The following CD37 variants were observed in gnomAD, a reference collection of about 807,000 sequenced individuals.
CD37 encodes the protein CD37 molecule, also known as leukocyte antigen CD37.
A neutral mutation model predicts 38.9 loss-of-function variants in CD37; 37 were observed. The observed-to-expected ratio is 0.95, with a 90% CI of 0.73 to 1.25. The LOEUF is 1.25. Among genes scored for constraint, CD37 ranks in the 50% most tolerant of loss-of-function variants. The probability of loss-of-function intolerance (pLI) is 0.00; values close to 1 mark genes in which losing one functional copy is unlikely to be tolerated. For synonymous variants in CD37, 146 were observed against 150.1 expected, an observed-to-expected ratio of 0.97 and a Z score of 0.20; for missense variants, 351 against 360.1, an observed-to-expected ratio of 0.97 and a Z score of 0.20.
chr19:49,339,739 G>C lies in CD37; in HGVS notation c.768+326G>C. 7.2e-7 allele frequency: 1 copy of C among 1,388,114 alleles called. No individual in the cohort carries two copies. Among genetic ancestry groups the C allele is most frequent in the Non-Finnish European group, 9.3e-7 (1 of 1,075,362 alleles). The allele number at this position is 1,388,114 out of a possible 1,614,324, so 86.0% of individuals were successfully genotyped here. A position where few individuals can be genotyped will look rare whatever the true frequency, so the allele number is the denominator to read the frequency against. On this transcript the variant is annotated intron_variant, in intron 7 of 7. Transcript: ENST00000323906. This position sits in a 1 kb window ranked among gnomAD's most constrained non-coding sequence, Gnocchi z 4.5. Reference sequence around the variant, plus strand: ...CGAGCCGCACGTGCCGGGCGCTGGGGATTCGAGCCCCGGGCCCAGCCTGAT... The same window carrying C: ...CGAGCCGCACGTGCCGGGCGCTGGGCATTCGAGCCCCGGGCCCAGCCTGAT...
Position 49,339,260 on chromosome 19 carries a change from G to GA in CD37, c.685-66dup. 1.4e-6 allele frequency: 2 copies of GA among 1,437,920 alleles called. No homozygotes were observed. Among genetic ancestry groups the GA allele is most frequent in the Non-Finnish European group, 1.9e-6 (2 of 1,028,650 alleles). 89.1% of individuals were successfully genotyped at this position (1,437,920 alleles called of 1,614,324 possible). On this transcript the variant is annotated intron_variant, in intron 6 of 7. Coordinates refer to ENST00000323906, the MANE Select transcript of CD37 (RefSeq NM_001774.3). The surrounding 1 kb of genome is among the most constrained non-coding windows in gnomAD (Gnocchi z 4.5). ...GCCTGAAGACGGTGAGGGTTGGCCT[G>GA]AAAAGAACGCTGGGCCTGGGCTTGA...
rs757794008 is a variant in CD37, at chr19:49,335,635, C to G, written c.69+26C>G. 4 of 1,610,696 alleles carry G rather than the reference C, an allele frequency of 2.5e-6. No homozygotes were observed. Among genetic ancestry groups the G allele is most frequent in the Non-Finnish European group, 1.7e-6 (2 of 1,176,932 alleles). ...GTGAGTTGCCTCATGGCTACCCAGCCGGGGCCCAGCCCCTGCCGCTAACCC... is the reference window on the plus strand; with the variant it reads ...GTGAGTTGCCTCATGGCTACCCAGCGGGGGCCCAGCCCCTGCCGCTAACCC... On this transcript the variant is annotated intron_variant, in intron 1 of 7. Transcript: ENST00000323906. The surrounding 1 kb of genome is among the most constrained non-coding windows in gnomAD (Gnocchi z 4.6).
Position 49,339,753 on chromosome 19 carries a change from GC to G in CD37, c.768+343del. ...CGGGCGCTGGGGATTCGAGCCCCGG[GC>G]CCAGCCTGATCGCTGACGGCGGCGG... On this transcript the variant is annotated intron_variant, in intron 7 of 7. Coordinates refer to ENST00000323906, the MANE Select transcript of CD37 (RefSeq NM_001774.3). This position sits in a 1 kb window ranked among gnomAD's most constrained non-coding sequence, Gnocchi z 4.5. 7.2e-7 allele frequency: 1 copy of G among 1,391,480 alleles called. No individual in the cohort carries two copies. The highest frequency in any genetic ancestry group is 1.5e-5 in the African/African-American group (1 of 68,748). The allele number at this position is 1,391,480 out of a possible 1,614,324, so 86.2% of individuals were successfully genotyped here. A position where few individuals can be genotyped will look rare whatever the true frequency, so the allele number is the denominator to read the frequency against.
chr19:49,338,846 G>C lies in CD37; in HGVS notation c.594G>C (p.Leu198Phe). ...NDSTILDKVILPQLSRLGHLA... is the reference protein window; with the variant it reads ...NDSTILDKVIFPQLSRLGHLA... ...CCACAATCCTAGATAAGGTGATCTTGCCCCAGCTCAGCAGGCTTGGACACC... is the reference window on the plus strand; with the variant it reads ...CCACAATCCTAGATAAGGTGATCTTCCCCCAGCTCAGCAGGCTTGGACACC... The change falls in exon 6 of 8, where the codon TTG becomes TTC. Residue 198 changes from leucine to phenylalanine, a missense_variant. Transcript: ENST00000323906. This position sits in a 1 kb window ranked among gnomAD's most constrained non-coding sequence, Gnocchi z 5.0. 1.2e-6 allele frequency: 2 copies of C among 1,614,138 alleles called. No homozygotes were observed. Among genetic ancestry groups the C allele is most frequent in the Non-Finnish European group, 1.7e-6 (2 of 1,180,022 alleles).
rs1971103608 is a variant in CD37, at chr19:49,339,375, T to C, written c.730T>C (p.Ser244Pro). The C allele has an allele frequency of 1.2e-6, 2 of 1,613,896 alleles. No homozygotes were observed. The highest frequency in any genetic ancestry group is 1.7e-6 in the Non-Finnish European group (2 of 1,179,966). The change falls in exon 7 of 8, where the codon TCC (serine) becomes CCC (proline). Residue 244 changes from serine (S) to proline (P), a missense_variant. Physicochemically the swap from Ser to Pro is moderately conservative, Grantham distance 74. Coordinates refer to ENST00000323906, the MANE Select transcript of CD37 (RefSeq NM_001774.3). This position sits in a 1 kb window ranked among gnomAD's most constrained non-coding sequence, Gnocchi z 4.5. ...LQKWLHNNLI[S>P]IVGICLGVGL... ...GAAGTGGCTGCACAACAACCTTATT[T>C]CCATAGTGGGCATTTGCCTGGGCGT...
Position 49,339,839 on chromosome 19 carries a change from G to C in CD37, c.769-412G>C. ...ATGGCGGGTGCCTGCCCCAACTGGGGAGACAAGGCACCGCAGGGCAAGCTG... is the reference window on the plus strand; with the variant it reads ...ATGGCGGGTGCCTGCCCCAACTGGGCAGACAAGGCACCGCAGGGCAAGCTG... On this transcript the variant is annotated intron_variant, in intron 7 of 7. Coordinates refer to ENST00000323906, the MANE Select transcript of CD37 (RefSeq NM_001774.3). The surrounding 1 kb of genome is among the most constrained non-coding windows in gnomAD (Gnocchi z 4.5). 1 of 1,337,746 alleles carries C rather than the reference G, an allele frequency of 7.5e-7. No individual in the cohort carries two copies. The highest frequency in any genetic ancestry group is 2.9e-4 in the Middle Eastern group (1 of 3,468). 82.9% of individuals were successfully genotyped at this position (1,337,746 alleles called of 1,614,324 possible).
In CD37 at chr19:49,335,736, G is replaced by T; in HGVS notation, c.92G>T (p.Cys31Phe). 6.2e-7 allele frequency: 1 copy of T among 1,613,914 alleles called. No individual in the cohort carries two copies. The highest frequency in any genetic ancestry group is 8.5e-7 in the Non-Finnish European group (1 of 1,180,020). The change falls in exon 2 of 8, where the codon TGC (cysteine) becomes TTC (phenylalanine). Residue 31 changes from cysteine (C) to phenylalanine (F), a missense_variant. Physicochemically the swap from Cys to Phe is radical, Grantham distance 205 (BLOSUM62 -2). Coordinates refer to ENST00000323906, the MANE Select transcript of CD37 (RefSeq NM_001774.3). The surrounding 1 kb of genome is among the most constrained non-coding windows in gnomAD (Gnocchi z 4.6). ...FFFVLGSLIFCFGIWILIDKT... is the reference protein window; with the variant it reads ...FFFVLGSLIFFFGIWILIDKT... Reference sequence around the variant, plus strand: ...CAGGTCCTCGGCAGCCTGATCTTCTGCTTCGGCATCTGGATCCTCATTGAC... The same window carrying T: ...CAGGTCCTCGGCAGCCTGATCTTCTTCTTCGGCATCTGGATCCTCATTGAC...
In CD37 at chr19:49,338,788, G is replaced by A; in HGVS notation, c.536G>A (p.Cys179Tyr). Reference sequence around the variant, plus strand: ...GGGTCGGAGGCGCACCGCGTGCCCTGCTCCTGCTACAACTTGTCGGCGACC... The same window carrying A: ...GGGTCGGAGGCGCACCGCGTGCCCTACTCCTGCTACAACTTGTCGGCGACC... ...GNGSEAHRVP[C>Y]SCYNLSATND... Residue 179 changes from cysteine to tyrosine, a missense_variant, in exon 6 of 8, where the codon TGC becomes TAC. Cys to Tyr is a radical substitution (Grantham distance 194). Transcript: ENST00000323906. The surrounding 1 kb of genome is among the most constrained non-coding windows in gnomAD (Gnocchi z 5.0). The A allele has an allele frequency of 6.2e-7, 1 of 1,613,980 alleles. No individual in the cohort carries two copies. Among genetic ancestry groups the A allele is most frequent in the Non-Finnish European group, 8.5e-7 (1 of 1,180,016 alleles).
rs1971039222 is a variant in CD37, at chr19:49,338,319, G to A, written c.447+290G>A. 1 of 736,494 alleles carries A rather than the reference G, an allele frequency of 1.4e-6. No homozygotes were observed. The highest frequency in any genetic ancestry group is 2.1e-6 in the Non-Finnish European group (1 of 482,382). The allele number at this position is 736,494 out of a possible 1,614,324, so 45.6% of individuals were successfully genotyped here. A position where few individuals can be genotyped will look rare whatever the true frequency, so the allele number is the denominator to read the frequency against. ...GCCCCTAGTCCCAAGACCCTAGCGA[G>A]ACACGGCTTCCTACCCCGTAGTGAC... On this transcript the variant is annotated intron_variant, in intron 5 of 7. Transcript: ENST00000323906. The surrounding 1 kb of genome is among the most constrained non-coding windows in gnomAD (Gnocchi z 5.0).
Position 49,340,328 on chromosome 19 carries a change from G to T in CD37, c.846G>T (p.Ter282TyrextTer92). ...HVYNRLARYR* is the reference protein window; with the variant it reads ...HVYNRLARYRY ...ACAACCGGCTCGCTCGATACCGTTA[G>T]GCCCCGCCCTCCCCAAAGTCCCGCC... Residue 282 changes from the stop codon to tyrosine (Y), a stop_lost, in exon 8 of 8, where the codon TAG (stop) becomes TAT (tyrosine). Transcript: ENST00000323906. 1 of 1,609,960 alleles carries T rather than the reference G, an allele frequency of 6.2e-7. No individual in the cohort carries two copies. Among genetic ancestry groups the T allele is most frequent in the Non-Finnish European group, 8.5e-7 (1 of 1,176,620 alleles).
Position 49,338,624 on chromosome 19 carries a change from C to T in CD37, c.448-76C>T. 1.9e-6 allele frequency: 2 copies of T among 1,080,240 alleles called. No homozygotes were observed. Among genetic ancestry groups the T allele is most frequent in the South Asian group, 2.6e-5 (2 of 76,676 alleles). The allele number at this position is 1,080,240 out of a possible 1,614,324, so 66.9% of individuals were successfully genotyped here. ...CCCTGCTCCCCGACCTGACCTCATACCCATCACCTTGTCCCCTGATCCCCA... is the reference window on the plus strand; with the variant it reads ...CCCTGCTCCCCGACCTGACCTCATATCCATCACCTTGTCCCCTGATCCCCA... On this transcript the variant is annotated intron_variant, in intron 5 of 7. Transcript: ENST00000323906. This position sits in a 1 kb window ranked among gnomAD's most constrained non-coding sequence, Gnocchi z 5.0.
chr19:49,339,620 C>G lies in CD37; in HGVS notation c.768+207C>G. On this transcript the variant is annotated intron_variant, in intron 7 of 7. Transcript: ENST00000323906. The surrounding 1 kb of genome is among the most constrained non-coding windows in gnomAD (Gnocchi z 4.5). ...ATTGGGTGTACGCAGGGAAAGCCTC[C>G]TGCTATTGGCTGCGATCTCCCTCCC... 7.0e-7 allele frequency: 1 copy of G among 1,433,492 alleles called. No homozygotes were observed. The highest frequency in any genetic ancestry group is 2.6e-4 in the Middle Eastern group (1 of 3,882). 88.8% of individuals were successfully genotyped at this position (1,433,492 alleles called of 1,614,324 possible).
rs1217644675 is a variant in CD37, at chr19:49,339,387, A to C, written c.742A>C (p.Ile248Leu). 6.2e-7 allele frequency: 1 copy of C among 1,613,962 alleles called. No homozygotes were observed. The highest frequency in any genetic ancestry group is 8.5e-7 in the Non-Finnish European group (1 of 1,179,936). ...LHNNLISIVG[I>L]CLGVGLLELG... The stretch of plus-strand genomic sequence containing the variant: ...CAACAACCTTATTTCCATAGTGGGC[A>C]TTTGCCTGGGCGTCGGCCTACTCGA... The change falls in exon 7 of 8, where the codon ATT becomes CTT. Residue 248 changes from isoleucine (I) to leucine (L), a missense_variant. Coordinates refer to ENST00000323906, the MANE Select transcript of CD37 (RefSeq NM_001774.3). The surrounding 1 kb of genome is among the most constrained non-coding windows in gnomAD (Gnocchi z 4.5).
chr19:49,339,349 A>G lies in CD37; in HGVS notation c.704A>G (p.Gln235Arg), dbSNP rs1321851840. ...CCCCAGGGCTGCGCGCAGGGCCTCCAGAAGTGGCTGCACAACAACCTTATT... is the reference window on the plus strand; with the variant it reads ...CCCCAGGGCTGCGCGCAGGGCCTCCGGAAGTGGCTGCACAACAACCTTATT... ...IYREGCAQGL[Q>R]KWLHNNLISI... Residue 235 changes from glutamine to arginine, a missense_variant, in exon 7 of 8, where the codon CAG becomes CGG. Coordinates refer to ENST00000323906, the MANE Select transcript of CD37 (RefSeq NM_001774.3). This position sits in a 1 kb window ranked among gnomAD's most constrained non-coding sequence, Gnocchi z 4.5. The G allele has an allele frequency of 1.2e-6, 2 of 1,614,012 alleles. No homozygotes were observed. Among genetic ancestry groups the G allele is most frequent in the Admixed American group, 3.3e-5 (2 of 60,010 alleles).
chr19:49,339,602 G>A lies in CD37; in HGVS notation c.768+189G>A. On this transcript the variant is annotated intron_variant, in intron 7 of 7. Coordinates refer to ENST00000323906, the MANE Select transcript of CD37 (RefSeq NM_001774.3). This position sits in a 1 kb window ranked among gnomAD's most constrained non-coding sequence, Gnocchi z 4.5. ...CAGCTTCAGGGAGCCCTGATTGGGT[G>A]TACGCAGGGAAAGCCTCCTGCTATT... 8 of 1,441,400 alleles carry A rather than the reference G, an allele frequency of 5.6e-6. No homozygotes were observed. The highest frequency in any genetic ancestry group is 6.3e-6 in the Non-Finnish European group (7 of 1,102,590). The allele number at this position is 1,441,400 out of a possible 1,614,324, so 89.3% of individuals were successfully genotyped here.
In CD37 at chr19:49,335,796, G is replaced by A. The variant is rs1438394808; in HGVS notation, c.142+10G>A. ...TTCGTGTCCTTTGTGGGTGAGGGGG[G>A]CTGGGGCAGGTGGGAGGGCCTCCCC... is the stretch of plus-strand genomic sequence containing the variant. On this transcript the variant is annotated intron_variant, in intron 2 of 7. Transcript: ENST00000323906. The surrounding 1 kb of genome is among the most constrained non-coding windows in gnomAD (Gnocchi z 4.6). 2.5e-6 allele frequency: 4 copies of A among 1,607,234 alleles called. No individual in the cohort carries two copies. Among genetic ancestry groups the A allele is most frequent in the East Asian group, 2.2e-5 (1 of 44,830 alleles).
Position 49,337,167 on chromosome 19 carries a change from C to T in CD37, c.288C>T (p.Leu96=). The change falls in exon 4 of 8, where the codon CTC becomes CTT. Residue 96 remains leucine, a synonymous_variant. Transcript: ENST00000323906. Reference sequence around the variant, plus strand: ...CCCAGTATTTTGGGATGCTGCTGCTCCTGTTTGCCACACAGATCACCCTGG... The same window carrying T: ...CCCAGTATTTTGGGATGCTGCTGCTTCTGTTTGCCACACAGATCACCCTGG... ...LLGLYFGMLL[L]LFATQITLGI... The T allele has an allele frequency of 6.2e-7, 1 of 1,614,160 alleles. No individual in the cohort carries two copies. Among genetic ancestry groups the T allele is most frequent in the Non-Finnish European group, 8.5e-7 (1 of 1,180,032 alleles).
chr19:49,340,321 A>G lies in CD37; in HGVS notation c.839A>G (p.Tyr280Cys). The G allele has an allele frequency of 2.5e-6, 4 of 1,611,936 alleles. No homozygotes were observed. In the South Asian group the frequency reaches 4.4e-5, roughly 18 times the overall value. The change falls in exon 8 of 8, where the codon TAC (tyrosine) becomes TGC (cysteine). Residue 280 changes from tyrosine (Y) to cysteine (C), a missense_variant. Physicochemically the swap from Tyr to Cys is radical, Grantham distance 194. Transcript: ENST00000323906. ...CACGTCTACAACCGGCTCGCTCGATACCGTTAGGCCCCGCCCTCCCCAAAG... is the reference window on the plus strand; with the variant it reads ...CACGTCTACAACCGGCTCGCTCGATGCCGTTAGGCCCCGCCCTCCCCAAAG... Reference protein sequence around the residue: ...LDHVYNRLARYR With the variant: ...LDHVYNRLARCR
chr19:49,339,810 G>C lies in CD37; in HGVS notation c.768+397G>C, dbSNP rs1413681411. On this transcript the variant is annotated intron_variant, in intron 7 of 7. Transcript: ENST00000323906. This position sits in a 1 kb window ranked among gnomAD's most constrained non-coding sequence, Gnocchi z 4.5. ...ACAGCGGCAGTCTGTGGGGTGGCTGGGGCATGGCGGGTGCCTGCCCCAACT... is the reference window on the plus strand; with the variant it reads ...ACAGCGGCAGTCTGTGGGGTGGCTGCGGCATGGCGGGTGCCTGCCCCAACT... The C allele has an allele frequency of 2.2e-6, 3 of 1,350,262 alleles. No individual in the cohort carries two copies. The Admixed American group carries it at 9.9e-5, about 44-fold the overall frequency. 83.6% of individuals were successfully genotyped at this position (1,350,262 alleles called of 1,614,324 possible).
Sources: gnomAD v4.1 joint callset for allele counts on GRCh38, gnomAD v4.1.1 for gene constraint, Gnocchi (gnomAD v3.1) non-coding constraint, MANE v1.5 for transcripts, NCBI Gene and HGNC (gene_info 2026-07-23, HGNC 2026-07-21) for gene names.